KPNA2: variants seen among roughly 807,000 people sequenced by gnomAD.
KPNA2 encodes the protein importin subunit alpha-1.
In KPNA2, 20 loss-of-function variants were observed where a neutral mutation model predicts 53.7. The observed-to-expected ratio is 0.37, with a 90% CI of 0.26 to 0.54. KPNA2 has a LOEUF of 0.54. Ranked by LOEUF, KPNA2 falls within the 20% of genes least tolerant of loss-of-function variation. KPNA2 has a pLI of 0.83. For synonymous variants in KPNA2, 238 were observed against 227.5 expected (o/e 1.05, Z -0.42); for missense variants, 515 against 640.3 (o/e 0.80, Z 2.11).
chr17:68,037,601 A>G (rs782375169), intron 3 of KPNA2, 106 bp downstream of exon 3: 103 of 1,103,012 alleles, frequency 9.3e-5, no homozygotes, highest in Non-Finnish European at 1.3e-4. Flanking sequence ...TAACGGTTTT[A>G]ACTATCTGTG....
chr17:68,044,917 A>C (rs1426271788), intron 9 of KPNA2, among the ~76,000 whole-genome samples: 2 of 152,124 alleles, frequency 1.3e-5, no homozygotes, highest in Non-Finnish European at 2.9e-5. Context: ...CAACATGGCG[A>C]AACCCTGTCT....
chr17:68,041,589 G>A (rs541019894), intron 4 of KPNA2, among the ~76,000 whole-genome samples: 342 of 152,200 alleles, frequency 2.2e-3, no homozygotes, highest in Non-Finnish European at 3.7e-3. Context: ...ACTTGGGTGT[G>A]GCGGTGCACA....
In KPNA2 at chr17:68,043,979, A is replaced by T; in HGVS notation, c.1072A>T (p.Thr358Ser). The T allele has an allele frequency of 1.9e-6, 3 of 1,614,022 alleles. No individual in the cohort carries two copies. The highest frequency in any genetic ancestry group is 2.5e-6 in the Non-Finnish European group (3 of 1,179,894). Residue 358 changes from threonine to serine, a missense_variant, in exon 8 of 11, where the codon ACA becomes TCA. Thr to Ser is a moderately conservative substitution (Grantham distance 58). Transcript: ENST00000330459. Reference protein sequence around the residue: ...KTNIQKEATWTMSNITAGRQD... With the variant: ...KTNIQKEATWSMSNITAGRQD... ...TAACATTCAGAAGGAAGCTACGTGG[A>T]CAATGTCAAACATCACAGCCGGCCG...
At position 68,040,832 on chromosome 17, in the gene KPNA2, G is replaced by GT. The variant is rs2071251914; in HGVS notation, c.302+66_302+67insT. ...TGTGTTTTTAGATTTTTTTTTGGGG[G>GT]GTGGGGCAGGAAGGGACAGACAGAT... On this transcript the variant is annotated intron_variant, in intron 4 of 10. Transcript: ENST00000330459. 29 of 984,060 alleles carry GT rather than the reference G, an allele frequency of 2.9e-5. No individual in the cohort carries two copies. In the South Asian group the frequency reaches 3.4e-4, roughly 12 times the overall value. 61.0% of individuals were successfully genotyped at this position (984,060 alleles called of 1,614,324 possible).
In KPNA2 at chr17:68,042,958, C is replaced by G; in HGVS notation, c.625C>G (p.Leu209Val). ...LVIKYGAVDP[L>V]LALLAVPDMS... is the part of the protein sequence containing the mutation. ...TATTAAGTACGGTGCAGTTGACCCACTGTTGGCTCTCCTTGCAGTTCCTGA... is the reference window on the plus strand; with the variant it reads ...TATTAAGTACGGTGCAGTTGACCCAGTGTTGGCTCTCCTTGCAGTTCCTGA... The change falls in exon 6 of 11, where the codon CTG (leucine) becomes GTG (valine). Residue 209 changes from leucine (L) to valine (V), a missense_variant. Coordinates refer to ENST00000330459, the MANE Select transcript of KPNA2 (RefSeq NM_002266.4). 1 of 1,613,750 alleles carries G rather than the reference C, an allele frequency of 6.2e-7. No homozygotes were observed. Among genetic ancestry groups the G allele is most frequent in the Non-Finnish European group, 8.5e-7 (1 of 1,179,874 alleles).
Position 68,045,815 on chromosome 17 carries a change from T to C in KPNA2, c.1391T>C (p.Ile464Thr), listed in dbSNP as rs1469973816. The change falls in exon 10 of 11, where the codon ATT (isoleucine) becomes ACT (threonine). Residue 464 changes from isoleucine (I) to threonine (T), a missense_variant. Coordinates refer to ENST00000330459, the MANE Select transcript of KPNA2 (RefSeq NM_002266.4). ...LGETEKLSIM[I>T]EECGGLDKIE... ...GAAACTGAGAAACTTAGTATAATGA[T>C]TGAAGAATGTGGAGGCTTAGACAAA... 4 of 1,603,012 alleles carry C rather than the reference T, an allele frequency of 2.5e-6. No individual in the cohort carries two copies. Among genetic ancestry groups the C allele is most frequent in the South Asian group, 1.1e-5 (1 of 89,550 alleles).
intron 3 of KPNA2, among the ~76,000 whole-genome samples, chr17:68,037,804 T>C (rs1275370136): frequency 1.3e-5 from 2 of 151,698 alleles, no homozygotes; most frequent in Non-Finnish European, 2.9e-5. Flanking sequence ...TTCTTCTTTT[T>C]TTTTTTTTTC....
intron 1 of KPNA2, 126 bp from the exon 2 acceptor site, chr17:68,036,981 CATG>C: frequency 1.4e-6 from 1 of 690,752 alleles, no homozygotes; most frequent in Non-Finnish European, 2.6e-6. Context: ...GTGCCGAAAA[CATG>C]ATGATCCCCC....
chr17:68,043,777 A>G, intron 7 of KPNA2, 61 bp from the exon 8 acceptor site: 2 of 1,018,582 alleles, frequency 2.0e-6, no homozygotes, highest in South Asian at 1.3e-5. Context: ...CTTTTAGGGT[A>G]TAGAATTTCT....
At chr17:68,040,833 G>GC in intron 4 of KPNA2, 67 bp downstream of exon 4, 1 of 971,412 alleles carries the variant, frequency 1.0e-6, no homozygotes, top group Non-Finnish European at 1.6e-6. Context: ...TTTTTGGGGG[G>GC]TGGGGCAGGA....
At chr17:68,041,379 T>C (rs965970183) in intron 4 of KPNA2, among the ~76,000 whole-genome samples, 2 of 151,764 alleles carry the variant, frequency 1.3e-5, no homozygotes, top group Admixed American at 6.6e-5. Context: ...CTGGGCAACA[T>C]GGTGAGAGCC....
At chr17:68,043,747 T>C (rs1346130036) in intron 7 of KPNA2, 91 bp from the exon 8 acceptor site, 2 of 787,224 alleles carry the variant, frequency 2.5e-6, no homozygotes, top group East Asian at 2.4e-5. Flanking sequence ...TTTCAGGCCA[T>C]GATGGGCCTC....
At position 68,042,750 on chromosome 17, in the gene KPNA2, C is replaced by T. The variant is rs540185251; in HGVS notation, c.572-155C>T. Among the ~76,000 whole-genome samples, 444 of 151,038 alleles carry T rather than the reference C, an allele frequency of 2.9e-3. 3 individuals are homozygous for T. Among genetic ancestry groups the T allele is most frequent in the African/African-American group, 0.01 (416 of 41,140 alleles). ...ACAAAAAATTAGCCGGGCGTGGCGG[C>T]GGGCGCCTGAGGCTGAGGCAGGAGA... On this transcript the variant is annotated intron_variant, in intron 5 of 10. Coordinates refer to ENST00000330459, the MANE Select transcript of KPNA2 (RefSeq NM_002266.4).
chr17:68,043,077 A>G (rs1361368993), intron 6 of KPNA2, 23 bp from the exon 7 acceptor site: 4 of 1,613,580 alleles, frequency 2.5e-6, no homozygotes, highest in South Asian at 1.1e-5. Context: ...AGAACCTCTC[A>G]TTGCCTATTT....
chr17:68,044,336 CAAAAG>C lies in KPNA2; in HGVS notation c.1181_1185del (p.Gln394ArgfsTer16), dbSNP rs782571788. On this transcript the variant is annotated frameshift_variant, in exon 9 of 11. Coordinates refer to ENST00000330459, the MANE Select transcript of KPNA2 (RefSeq NM_002266.4). LOFTEE classifies it high-confidence loss of function. ...TGTTTAATAGGCAGATTTTAAGACA[CAAAAG>C]GAAGCTGTGTGGGCCGTGACCAACT... 5.0e-6 allele frequency: 8 copies of C among 1,612,042 alleles called. No homozygotes were observed.
At position 68,043,883 on chromosome 17, in the gene KPNA2, G is replaced by A; in HGVS notation, c.976G>A (p.Glu326Lys). 6.2e-7 allele frequency: 1 copy of A among 1,613,140 alleles called. No homozygotes were observed. Among genetic ancestry groups the A allele is most frequent in the South Asian group, 1.1e-5 (1 of 91,058 alleles). Residue 326 changes from glutamate (E) to lysine (K), a missense_variant, in exon 8 of 11, where the codon GAA (glutamate) becomes AAA (lysine). Physicochemically the swap from Glu to Lys is moderately conservative, Grantham distance 56. Coordinates refer to ENST00000330459, the MANE Select transcript of KPNA2 (RefSeq NM_002266.4). ...AGGGAATATTGTCACTGGTACAGAT[G>A]AACAGACTCAGGTTGTGATTGATGC... ...AIGNIVTGTDEQTQVVIDAGA... is the reference protein window; with the variant it reads ...AIGNIVTGTDKQTQVVIDAGA...
intron 9 of KPNA2, among the ~76,000 whole-genome samples, 166 bp downstream of exon 9, chr17:68,044,669 A>G (rs782289638): frequency 3.9e-5 from 6 of 152,222 alleles, no homozygotes; most frequent in Non-Finnish European, 5.9e-5. Context: ...CAGGCATTAT[A>G]AAAGATACAA....
chr17:68,040,132 T>C (rs1338054238), intron 3 of KPNA2, among the ~76,000 whole-genome samples: 2 of 152,132 alleles, frequency 1.3e-5, no homozygotes, highest in Non-Finnish European at 2.9e-5. Context: ...TTCATGTCTT[T>C]CTCCCTCAAA....
chr17:68,037,853 T>C (rs1253760508), intron 3 of KPNA2, among the ~76,000 whole-genome samples: 2 of 151,310 alleles, frequency 1.3e-5, no homozygotes, highest in African/African-American at 2.4e-5. Flanking sequence ...CAGGCTGGAG[T>C]GCAGCAGCAC....
Sources: allele counts gnomAD v4.1 joint callset (sites outside exome capture counted in the v4.1 genomes callset), GRCh38; gene constraint gnomAD v4.1.1; transcripts MANE v1.5; gene names NCBI Gene and HGNC (gene_info 2026-07-23, HGNC 2026-07-21).